The following MAP4 variants were observed in gnomAD, a reference collection of about 807,000 sequenced individuals.
MAP4 encodes the protein microtubule associated protein 4, also known as microtubule-associated protein 4.
A neutral mutation model predicts 170.2 loss-of-function variants in MAP4; 76 were observed. The ratio of observed to expected loss-of-function variants is 0.45; its 90% CI spans 0.37 to 0.54. The LOEUF (loss-of-function observed/expected upper bound fraction) is 0.54. MAP4 is among the 20% of genes least tolerant of loss of function. The pLI, the probability that MAP4 is intolerant of heterozygous loss-of-function variation, is 0.00. For missense variants in MAP4, 2,506 were observed against 2,748.0 expected (o/e 0.91, Z 1.97); for synonymous variants, 909 against 994.5 (o/e 0.91, Z 1.62).
chr3:47,877,431 C>T lies in MAP4; in HGVS notation c.5527G>A (p.Glu1843Lys). The T allele has an allele frequency of 1.9e-6, 3 of 1,613,992 alleles. No homozygotes were observed. The highest frequency in any genetic ancestry group is 2.5e-6 in the Non-Finnish European group (3 of 1,179,922). Residue 1843 changes from glutamate (E) to lysine (K), a missense_variant, in exon 11 of 21, where the codon GAG becomes AAG. By Grantham distance (56) the Glu-to-Lys change is moderately conservative. This residue lies in a region of MAP4 where 2,008 missense variants were observed against 2,206.0 expected (regional missense o/e 0.91). Transcript: ENST00000683076. ...CTGGCACCTACCTTTGTTTTCTTCT[C>T]TGGGCTTGGTGGGAGCTCCTTGTTC... ...PPNKELPPSP[E>K]KKTKPLATTQ...
intron 3 of MAP4, among the ~76,000 whole-genome samples, chr3:47,962,529 A>AT (rs1402727702): frequency 6.6e-6 from 1 of 152,162 alleles, no homozygotes; most frequent in Non-Finnish European, 1.5e-5. Context: ...ACTATTCCCT[A>AT]TATCTGTCAT....
intron 1 of MAP4, among the ~76,000 whole-genome samples, chr3:48,062,494 TAAAAAAAAA>T (rs1156947592): frequency 1.2e-5 from 1 of 81,554 alleles, no homozygotes; most frequent in South Asian, 4.4e-4. Flanking sequence ...GAATGATCAA[TAAAAAAAAA>T]AAAAAAAAAA....
chr3:47,973,560 G>C, intron 3 of MAP4: 1 of 984,442 alleles, frequency 1.0e-6, no homozygotes, highest in Non-Finnish European at 1.2e-6. Flanking sequence ...GTTCAAAAAG[G>C]AAACATATTT....
rs556702816 is a variant in MAP4, at chr3:48,062,596, T to A, written c.-20+26177A>T. On this transcript the variant is annotated intron_variant, in intron 1 of 18. Transcript: ENST00000360240. Reference sequence around the variant, plus strand: ...AAATAATGTTTAAAAAATAAAAAAATTTAAAAAATTAAAAATAAATTAAAA... The same window carrying A: ...AAATAATGTTTAAAAAATAAAAAAAATTAAAAAATTAAAAATAAATTAAAA... Among the ~76,000 whole-genome samples the A allele has an allele frequency of 3.8e-3, 568 of 147,858 alleles. 4 individuals are homozygous for A. The highest frequency in any genetic ancestry group is 0.013 in the African/African-American group (530 of 40,504).
At chr3:47,976,366 C>T (rs1315631924) in intron 3 of MAP4, among the ~76,000 whole-genome samples, 1 of 152,212 alleles carries the variant, frequency 6.6e-6, no homozygotes, top group African/African-American at 2.4e-5. Flanking sequence ...TCTGGTCAGG[C>T]ATGACTTCCT....
intron 3 of MAP4, among the ~76,000 whole-genome samples, chr3:47,944,846 T>A (rs1295444978): frequency 4.0e-5 from 6 of 151,862 alleles, no homozygotes; most frequent in African/African-American, 1.4e-4. Flanking sequence ...TTTTTTTTTT[T>A]AATTATGAGA....
chr3:48,030,901 G>A (rs1221751923), intron 1 of MAP4, among the ~76,000 whole-genome samples: 1 of 146,774 alleles, frequency 6.8e-6, no homozygotes, highest in East Asian at 2.0e-4. Context: ...ATAAACAATA[G>A]ACTGAATAAA....
chr3:48,067,632 CTT>C (rs71070248), intron 1 of MAP4, among the ~76,000 whole-genome samples: 854 of 139,674 alleles, frequency 6.1e-3, no homozygotes, highest in Non-Finnish European at 5.4e-3. Context: ...CAAGAGAAAC[CTT>C]TTTTTTTTTT....
At chr3:47,997,173 G>T (rs2100096218) in intron 2 of MAP4, among the ~76,000 whole-genome samples, 1 of 151,470 alleles carries the variant, frequency 6.6e-6, no homozygotes, top group Non-Finnish European at 1.5e-5. Flanking sequence ...CAGGAGAAAA[G>T]AAAAAGAATG....
intron 1 of MAP4, among the ~76,000 whole-genome samples, chr3:48,007,046 G>A (rs905436784): frequency 1.3e-5 from 2 of 152,238 alleles, no homozygotes; most frequent in Admixed American, 6.5e-5. Context: ...CCGGCTTTGT[G>A]TCATAATCTT....
chr3:48,088,098 C>T (rs2100150287), intron 1 of MAP4, among the ~76,000 whole-genome samples: 2 of 152,202 alleles, frequency 1.3e-5, no homozygotes. Flanking sequence ...CGGCGGAGAA[C>T]TTGTTCCATG....
chr3:47,852,781 C>T lies in MAP4; in HGVS notation c.*153G>A, dbSNP rs1022569294. 3.5e-5 allele frequency: 54 copies of T among 1,547,098 alleles called. No homozygotes were observed. The highest frequency in any genetic ancestry group is 3.3e-4 in the Admixed American group (17 of 50,936). On this transcript the variant is annotated 3_prime_UTR_variant, in exon 21 of 21. Coordinates refer to ENST00000683076, the MANE Select transcript of MAP4 (RefSeq NM_001385682.1). Reference sequence around the variant, plus strand: ...CGGGCTGCCCAGCACGGCGCCCAAGCGCTCACTGGTCTAGTGGACAGCCCG... The same window carrying T: ...CGGGCTGCCCAGCACGGCGCCCAAGTGCTCACTGGTCTAGTGGACAGCCCG...
At chr3:47,971,720 C>T (rs780873878) in intron 3 of MAP4, among the ~76,000 whole-genome samples, 5 of 152,248 alleles carry the variant, frequency 3.3e-5, no homozygotes, top group Admixed American at 1.3e-4. Context: ...GTAATGGAAA[C>T]GGCATCAACA....
chr3:47,922,160 G>A (rs1432829525), intron 4 of MAP4, among the ~76,000 whole-genome samples: 2 of 151,790 alleles, frequency 1.3e-5, no homozygotes, highest in Non-Finnish European at 2.9e-5. Flanking sequence ...CGTTGGCCAG[G>A]CTAGTCTCAA....
At chr3:47,987,970 G>A (rs943850993) in intron 2 of MAP4, among the ~76,000 whole-genome samples, 3 of 152,134 alleles carry the variant, frequency 2.0e-5, no homozygotes, top group Admixed American at 1.3e-4. Flanking sequence ...TACGGTGGGC[G>A]GATCACGAGG....
At chr3:47,891,048 G>A in intron 10 of MAP4, 1 of 1,494,580 alleles carries the variant, frequency 6.7e-7, no homozygotes, top group South Asian at 1.3e-5. Flanking sequence ...TTTTCAAACA[G>A]GAACGATGGA....
chr3:48,055,762 C>T (rs1376365013), intron 1 of MAP4, among the ~76,000 whole-genome samples: 13 of 121,158 alleles, frequency 1.1e-4, no homozygotes, highest in Middle Eastern at 3.8e-3. Context: ...AAGTGAGGAG[C>T]GCCTCTTCCC....
Position 47,912,151 on chromosome 3 carries a change from T to A in MAP4, c.2270A>T (p.Glu757Val), listed in dbSNP as rs114258132. The A allele has an allele frequency of 1.1e-3, 1,653 of 1,536,124 alleles. 12 individuals are homozygous for A. The African/African-American group carries it at 0.016, about 14-fold the overall frequency. ...TGGTGTGCTTTCTATATCCCAGGCC[T>A]CCCTGCCAAGATCCCTCTGGGGTTC... ...SLEPQRDLGR[E>V]AWDIESTPIM... is the part of the protein sequence containing the mutation. Residue 757 changes from glutamate (E) to valine (V), a missense_variant, in exon 9 of 21, where the codon GAG (glutamate) becomes GTG (valine). Glu to Val is a moderately radical substitution (Grantham distance 121, BLOSUM62 -2). Around this residue, in one of 3 missense-constraint regions of MAP4, gnomAD observed 2,008 missense variants for 2,206.0 expected, o/e 0.91. Transcript: ENST00000683076.
chr3:47,880,476 T>G (rs991006027), intron 10 of MAP4, among the ~76,000 whole-genome samples: 3 of 146,862 alleles, frequency 2.0e-5, no homozygotes, highest in African/African-American at 7.6e-5. Flanking sequence ...TTTTTTTTTT[T>G]TTTTTTTTTT....
Sources: allele counts gnomAD v4.1 joint callset (sites outside exome capture counted in the v4.1 genomes callset), GRCh38; gene constraint gnomAD v4.1.1; regional missense constraint gnomAD v4.1.1; transcripts MANE v1.5; gene names NCBI Gene and HGNC (gene_info 2026-07-23, HGNC 2026-07-21).